AGBL4: variants seen among roughly 807,000 people sequenced by gnomAD.
AGBL4 encodes cytosolic carboxypeptidase 6.
A neutral mutation model predicts 66.4 loss-of-function variants in AGBL4; 58 were observed. That is an observed-to-expected ratio of 0.87 (90% confidence interval 0.71 to 1.09). The LOEUF is 1.09. Among genes scored for constraint, AGBL4 ranks in the 50% least tolerant of loss-of-function variants. AGBL4 has a pLI of 0.00. For missense variants in AGBL4, 579 were observed against 631.0 expected, an observed-to-expected ratio of 0.92 and a Z score of 0.88; for synonymous variants, 234 against 222.9, an observed-to-expected ratio of 1.05 and a Z score of -0.44.
chr1:49,361,914 A>G (rs1263830264), intron 3 of AGBL4, among the ~76,000 whole-genome samples: 1 of 152,184 alleles, frequency 6.6e-6, no homozygotes, highest in Non-Finnish European at 1.5e-5. Context: ...CTGTTTAATC[A>G]ATATCTGTAA....
intron 3 of AGBL4, among the ~76,000 whole-genome samples, chr1:49,283,780 T>C (rs1363213580): frequency 1.4e-5 from 2 of 145,960 alleles, no homozygotes; most frequent in Admixed American, 6.9e-5. Flanking sequence ...CAATGGAAGA[T>C]GAAATGAATG....
At chr1:48,659,610 C>T (rs1278431006) in intron 7 of AGBL4, among the ~76,000 whole-genome samples, 1 of 152,204 alleles carries the variant, frequency 6.6e-6, no homozygotes, top group African/African-American at 2.4e-5. Context: ...AGGTCTGGTT[C>T]AGGCCAAGCT....
intron 1 of AGBL4, among the ~76,000 whole-genome samples, chr1:49,932,648 TAAG>T (rs1344400925): frequency 1.3e-5 from 2 of 151,696 alleles, no homozygotes; most frequent in African/African-American, 4.8e-5. Flanking sequence ...AACTCAAAAA[TAAG>T]AAAGAATGAC....
At chr1:49,846,209 C>T in intron 2 of AGBL4, 1 of 1,457,276 alleles carries the variant, frequency 6.9e-7, no homozygotes, top group South Asian at 1.1e-5. Flanking sequence ...ACTCAGCCAG[C>T]ACAAAAGGAC....
At chr1:49,873,757 C>T (rs762800574) in intron 1 of AGBL4, among the ~76,000 whole-genome samples, 9 of 152,026 alleles carry the variant, frequency 5.9e-5, no homozygotes, top group Non-Finnish European at 1.0e-4. Flanking sequence ...AGAACACAGG[C>T]TGTTTCTGTG....
intron 3 of AGBL4, among the ~76,000 whole-genome samples, chr1:49,328,327 A>C (rs533972031): frequency 1.9e-4 from 29 of 152,360 alleles, no homozygotes; most frequent in Non-Finnish European, 4.0e-4. Context: ...AATAAGTATT[A>C]GTGGAAGAGA....
intron 6 of AGBL4, among the ~76,000 whole-genome samples, chr1:48,847,413 A>AT (rs1334207901): frequency 1.3e-5 from 2 of 151,818 alleles, no homozygotes; most frequent in Non-Finnish European, 2.9e-5. Flanking sequence ...AAAAAAAAAA[A>AT]AGCCTGTATT....
At chr1:49,222,042 G>T (rs140457701) in intron 4 of AGBL4, among the ~76,000 whole-genome samples, 155 of 152,202 alleles carry the variant, frequency 1.0e-3, no homozygotes, top group African/African-American at 3.6e-3. Context: ...TCATTTAATT[G>T]CAAGAACCAT....
intron 4 of AGBL4, among the ~76,000 whole-genome samples, chr1:49,192,084 A>T (rs180838777): frequency 1.3e-5 from 2 of 152,260 alleles, no homozygotes; most frequent in African/African-American, 4.8e-5. Context: ...ACAGTGTATA[A>T]CTATTCTCTT....
At chr1:49,142,065 T>G (rs1646128468) in intron 4 of AGBL4, among the ~76,000 whole-genome samples, 1 of 152,042 alleles carries the variant, frequency 6.6e-6, no homozygotes, top group East Asian at 1.9e-4. Context: ...AGCATCAGAT[T>G]CTCATAGGAG....
rs531605943 is a variant in AGBL4, at chr1:49,227,251, C to T, written c.377+18519G>A. ...TAAGAACAAAATCTCTTTTTTTCCT[C>T]GTCATTTCATCCTCTGCACCAACAA... On this transcript the variant is annotated intron_variant, in intron 4 of 13. Coordinates refer to ENST00000371839, the MANE Select transcript of AGBL4 (RefSeq NM_032785.4). Among the ~76,000 whole-genome samples, 207 of 152,124 alleles carry T rather than the reference C, an allele frequency of 1.4e-3. 1 individual carries two copies. Among genetic ancestry groups the T allele is most frequent in the African/African-American group, 4.8e-3 (199 of 41,526 alleles).
intron 4 of AGBL4, among the ~76,000 whole-genome samples, chr1:49,150,151 G>A (rs556011269): frequency 3.3e-5 from 5 of 152,266 alleles, no homozygotes; most frequent in Admixed American, 2.0e-4. Context: ...GCCTTGGTGA[G>A]ATCAGTGTAA....
At position 49,120,062 on chromosome 1, in the gene AGBL4, C is replaced by T. The variant is rs753344900; in HGVS notation, c.378-74262G>A. Among the ~76,000 whole-genome samples the T allele has an allele frequency of 4.3e-4, 65 of 152,136 alleles. 1 individual carries two copies. The highest frequency in any genetic ancestry group is 2.9e-5 in the Non-Finnish European group (2 of 67,998). ...TCTTTCTCCATCCCTTTATTTTGAG[C>T]CTATGTGTGTCTCTGCATGTGAGAT... On this transcript the variant is annotated intron_variant, in intron 4 of 13. Coordinates refer to ENST00000371839, the MANE Select transcript of AGBL4 (RefSeq NM_032785.4).
At chr1:49,287,253 A>G (rs1420869948) in intron 3 of AGBL4, among the ~76,000 whole-genome samples, 2 of 141,254 alleles carry the variant, frequency 1.4e-5, no homozygotes, top group Admixed American at 7.2e-5. Flanking sequence ...CTAAAACCAT[A>G]AAAACCCTAG....
chr1:49,224,616 CAAAAAAAAAA>C (rs377573639), intron 4 of AGBL4, among the ~76,000 whole-genome samples: 66 of 74,722 alleles, frequency 8.8e-4, no homozygotes, highest in Non-Finnish European at 1.1e-3. Context: ...GACTCCCTCT[CAAAAAAAAAA>C]AAAAAAAAAA....
intron 4 of AGBL4, among the ~76,000 whole-genome samples, chr1:49,096,753 T>C (rs1363894316): frequency 6.6e-6 from 1 of 150,824 alleles, no homozygotes; most frequent in Non-Finnish European, 1.5e-5. Flanking sequence ...GACGAGGTAA[T>C]GGGTGCAGCA....
intron 4 of AGBL4, among the ~76,000 whole-genome samples, chr1:49,088,669 C>T (rs1464659942): frequency 6.6e-6 from 1 of 152,020 alleles, no homozygotes; most frequent in African/African-American, 2.4e-5. Flanking sequence ...GTCAACATCC[C>T]ATTGACAGTA....
At chr1:48,879,498 T>C (rs890208380) in intron 5 of AGBL4, among the ~76,000 whole-genome samples, 7 of 149,786 alleles carry the variant, frequency 4.7e-5, no homozygotes, top group Non-Finnish European at 1.0e-4. Context: ...GTGAGGGAAA[T>C]TCATATTTAT....
chr1:49,843,623 TCCA>T (rs1320613033), intron 2 of AGBL4, among the ~76,000 whole-genome samples: 4 of 152,150 alleles, frequency 2.6e-5, no homozygotes, highest in African/African-American at 7.2e-5. Flanking sequence ...ACTCAGATAA[TCCA>T]GTATAATTTC....
Sources: allele counts gnomAD v4.1 joint callset (sites outside exome capture counted in the v4.1 genomes callset), GRCh38; gene constraint gnomAD v4.1.1; transcripts MANE v1.5; gene names NCBI Gene and HGNC (gene_info 2026-07-23, HGNC 2026-07-21).